Variants in PARD3B observed in about 807,000 individuals in gnomAD.
The protein encoded by PARD3B is partitioning defective 3 homolog B.
PARD3B carries 103 observed loss-of-function variants against 130.2 expected under a neutral mutation model. That is an observed-to-expected ratio of 0.79 (90% CI 0.67 to 0.93). The LOEUF (loss-of-function observed/expected upper bound fraction) is 0.93, where lower values mean the gene tolerates loss of function less well. Among genes scored for constraint, PARD3B ranks in the 40% least tolerant of loss-of-function variants. PARD3B has a pLI of 0.00. For synonymous variants in PARD3B, 583 were observed against 553.2 expected, an observed-to-expected ratio of 1.05 and a Z score of -0.76; for missense variants, 1,609 against 1,499.2, an observed-to-expected ratio of 1.07 and a Z score of -1.21.
At chr2:204,923,492 CCTATA>C (rs2047762101) in intron 2 of PARD3B, among the ~76,000 whole-genome samples, 1 of 151,404 alleles carries the variant, frequency 6.6e-6, no homozygotes, top group Non-Finnish European at 1.5e-5. Flanking sequence ...CAGCCTTAAC[CCTATA>C]CTTATTCTTT....
chr2:205,412,321 C>T (rs2106056822), intron 19 of PARD3B, among the ~76,000 whole-genome samples: 2 of 152,228 alleles, frequency 1.3e-5, no homozygotes, highest in Middle Eastern at 3.4e-3. Context: ...ACAGAAGTGG[C>T]ACAGAAGCCT....
rs1458387358 is a variant in PARD3B, at chr2:205,011,877, C to T, written c.395-35704C>T. On this transcript the variant is annotated intron_variant, in intron 3 of 22. Coordinates refer to ENST00000406610, the MANE Select transcript of PARD3B (RefSeq NM_001302769.2). The surrounding 1 kb of genome is among the most constrained non-coding windows in gnomAD (Gnocchi z 4.1). ...ATTTAGATCAGAATTGGTCAGCCTA[C>T]CCAGAAAATGCAACTCTGATTTGTA... 2.6e-5 allele frequency among the ~76,000 whole-genome samples: 4 copies of T among 151,934 alleles called. No individual in the cohort carries two copies. The highest frequency in any genetic ancestry group is 7.3e-5 in the African/African-American group (3 of 41,364).
intron 2 of PARD3B, among the ~76,000 whole-genome samples, chr2:204,716,876 C>T (rs1188389456): frequency 6.6e-6 from 1 of 152,112 alleles, no homozygotes; most frequent in African/African-American, 2.4e-5. Context: ...CCTGCGTCGG[C>T]CTCCCAAATT....
chr2:205,085,554 T>A (rs1421047831), intron 4 of PARD3B, among the ~76,000 whole-genome samples: 1 of 152,060 alleles, frequency 6.6e-6, no homozygotes, highest in African/African-American at 2.4e-5. Flanking sequence ...AAATTATAAA[T>A]TATCCATGAT....
intron 2 of PARD3B, among the ~76,000 whole-genome samples, chr2:204,831,954 T>C (rs753872664): frequency 3.9e-5 from 6 of 152,142 alleles, no homozygotes; most frequent in Non-Finnish European, 7.3e-5. Flanking sequence ...AAAAAATAGA[T>C]ATCCACGCCT....
At chr2:204,741,485 A>G (rs945502826) in intron 2 of PARD3B, among the ~76,000 whole-genome samples, 12 of 152,098 alleles carry the variant, frequency 7.9e-5, no homozygotes, top group South Asian at 2.1e-4. Context: ...ACCCATCATG[A>G]TATGGTCTTA....
chr2:204,900,584 C>T (rs535169845), intron 2 of PARD3B, among the ~76,000 whole-genome samples: 1 of 152,184 alleles, frequency 6.6e-6, no homozygotes, highest in Non-Finnish European at 1.5e-5. Context: ...TCTGAAAGGT[C>T]ATAAATCTTT....
In PARD3B at chr2:205,198,258, A is replaced by G. The variant is rs113982612; in HGVS notation, c.2140+4938A>G. Among the ~76,000 whole-genome samples, 1,229 of 152,264 alleles carry G rather than the reference A, an allele frequency of 8.1e-3. 17 individuals carry two copies. Among genetic ancestry groups the G allele is most frequent in the African/African-American group, 0.014 (576 of 41,548 alleles). On this transcript the variant is annotated intron_variant, in intron 15 of 22. Transcript: ENST00000406610. The stretch of plus-strand genomic sequence containing the variant: ...TTTGGAGAAGGCTAAGGGCAGTGCA[A>G]ATGGAAGATGCTGGCCAGCTGCCCT...
At chr2:205,368,706 G>A (rs1441037142) in intron 18 of PARD3B, among the ~76,000 whole-genome samples, 6 of 151,974 alleles carry the variant, frequency 3.9e-5, no homozygotes, top group Non-Finnish European at 7.4e-5. Context: ...CAAAACTAAC[G>A]TTATCATTGT....
intron 1 of PARD3B, among the ~76,000 whole-genome samples, chr2:204,667,011 T>C (rs1368757076): frequency 6.6e-6 from 1 of 152,076 alleles, no homozygotes; most frequent in Admixed American, 6.6e-5. Context: ...GACATATGCA[T>C]TGAATGGTGT....
Position 205,478,165 on chromosome 2 carries a change from C to T in PARD3B, c.3045-21731C>T, listed in dbSNP as rs146723526. ...GAATGGTGTCTATGGCTACCTAGCACTGTCTGTACTTCAGCGAAGAGTAAA... is the reference window on the plus strand; with the variant it reads ...GAATGGTGTCTATGGCTACCTAGCATTGTCTGTACTTCAGCGAAGAGTAAA... On this transcript the variant is annotated intron_variant, in intron 20 of 22. Coordinates refer to ENST00000406610, the MANE Select transcript of PARD3B (RefSeq NM_001302769.2). Among the ~76,000 whole-genome samples, 233 of 152,332 alleles carry T rather than the reference C, an allele frequency of 1.5e-3. 2 individuals carry two copies. Among genetic ancestry groups the T allele is most frequent in the African/African-American group, 5.0e-3 (208 of 41,576 alleles).
At chr2:205,005,376 AC>A (rs2125293518) in intron 3 of PARD3B, among the ~76,000 whole-genome samples, 1 of 152,314 alleles carries the variant, frequency 6.6e-6, no homozygotes, top group Admixed American at 6.5e-5. Flanking sequence ...TATTGGGAAG[AC>A]AAAATATGAT....
At chr2:205,222,898 C>T (rs1329967796) in intron 15 of PARD3B, among the ~76,000 whole-genome samples, 3 of 149,898 alleles carry the variant, frequency 2.0e-5, no homozygotes, top group African/African-American at 4.9e-5. Flanking sequence ...TTCATAGTAT[C>T]GTTGTAAACT....
chr2:205,014,065 G>C (rs1232810574), intron 3 of PARD3B, among the ~76,000 whole-genome samples: 1 of 152,144 alleles, frequency 6.6e-6, no homozygotes, highest in Non-Finnish European at 1.5e-5. Context: ...TTTACTCCTG[G>C]AATTTAGGAA....
intron 15 of PARD3B, among the ~76,000 whole-genome samples, chr2:205,205,625 T>C (rs1432967630): frequency 6.6e-6 from 1 of 152,230 alleles, no homozygotes; most frequent in Non-Finnish European, 1.5e-5. Context: ...ATTCCATCAA[T>C]ACCTAGTTTA....
rs1184750726 is a variant in PARD3B, at chr2:205,197,074, T to TGA, written c.2140+3772_2140+3773dup. ...GTGTGTGTGTGTGTGTGTGTGTGTG[T>TGA]GAGAGAGAGAGAGAGAGAGCATGCA... On this transcript the variant is annotated intron_variant, in intron 15 of 22. Coordinates refer to ENST00000406610, the MANE Select transcript of PARD3B (RefSeq NM_001302769.2). Among the ~76,000 whole-genome samples the TGA allele has an allele frequency of 4.3e-3, 614 of 143,780 alleles. 4 individuals are homozygous for TGA. Among genetic ancestry groups the TGA allele is most frequent in the Middle Eastern group, 7.0e-3 (2 of 284 alleles). 94.3% of individuals were successfully genotyped at this position (143,780 alleles called of 152,430 possible).
chr2:205,500,272 A>G (rs2050111465), intron 21 of PARD3B, among the ~76,000 whole-genome samples: 1 of 152,190 alleles, frequency 6.6e-6, no homozygotes, highest in African/African-American at 2.4e-5. Flanking sequence ...TTATATGCCA[A>G]CTGGTTTGGG....
chr2:204,613,199 A>G (rs2033992215), intron 1 of PARD3B, among the ~76,000 whole-genome samples: 1 of 152,142 alleles, frequency 6.6e-6, no homozygotes, highest in Non-Finnish European at 1.5e-5. Flanking sequence ...GAAAATGTCT[A>G]TTCTTTACTC....
rs1215883753 is a variant in PARD3B, at chr2:205,405,031, T to G, written c.2741+3908T>G. ...TTTTGTGCTGATTTTCATATCTCAT[T>G]TTAAGTTATCTACATATCTAATTCC... On this transcript the variant is annotated intron_variant, in intron 19 of 22. Coordinates refer to ENST00000406610, the MANE Select transcript of PARD3B (RefSeq NM_001302769.2). The surrounding 1 kb of genome is among the most constrained non-coding windows in gnomAD (Gnocchi z 4.1). 1.3e-5 allele frequency among the ~76,000 whole-genome samples: 2 copies of G among 152,180 alleles called. No individual in the cohort carries two copies. The highest frequency in any genetic ancestry group is 2.9e-5 in the Non-Finnish European group (2 of 68,036).
Sources: gnomAD v4.1 joint callset for allele counts (sites outside exome capture counted in the v4.1 genomes callset) on GRCh38, gnomAD v4.1.1 for gene constraint, Gnocchi (gnomAD v3.1) non-coding constraint, MANE v1.5 for transcripts, NCBI Gene and HGNC (gene_info 2026-07-23, HGNC 2026-07-21) for gene names.